Variants in NRG3 observed in about 807,000 individuals in gnomAD.
NRG3 encodes the protein neuregulin 3, also known as pro-neuregulin-3, membrane-bound isoform.
A neutral mutation model predicts 66.9 loss-of-function variants in NRG3; 31 were observed. That is an observed-to-expected ratio of 0.46 (90% CI 0.35 to 0.63). NRG3 has a LOEUF of 0.63. NRG3 is among the 20% of genes least tolerant of loss of function. The probability of loss-of-function intolerance (pLI) is 0.00; values close to 1 mark genes in which losing one functional copy is unlikely to be tolerated. For missense variants in NRG3, 910 were observed against 878.9 expected, an observed-to-expected ratio of 1.04 and a Z score of -0.45; for synonymous variants, 393 against 359.4, an observed-to-expected ratio of 1.09 and a Z score of -1.06.
chr10:82,838,214 T>A (rs575527), intron 3 of NRG3, among the ~76,000 whole-genome samples: 40,126 of 151,968 alleles, frequency 0.26, 5,479 homozygotes, highest in Non-Finnish European at 0.31. Flanking sequence ...AGGGAAGCAG[T>A]CAGAGAGAAG....
At chr10:81,947,781 G>A (rs561896457) in intron 1 of NRG3, among the ~76,000 whole-genome samples, 7 of 152,138 alleles carry the variant, frequency 4.6e-5, no homozygotes, top group East Asian at 3.9e-4. Flanking sequence ...CAAAAGTGCC[G>A]TCGGGGACTT....
chr10:82,765,603 G>A (rs1383694743), intron 3 of NRG3, among the ~76,000 whole-genome samples: 2 of 152,034 alleles, frequency 1.3e-5, no homozygotes, highest in Non-Finnish European at 2.9e-5. Context: ...TAGGAATGAA[G>A]ATGTTATAAA....
At chr10:82,928,526 T>C (rs1183662172) in intron 4 of NRG3, among the ~76,000 whole-genome samples, 2 of 152,000 alleles carry the variant, frequency 1.3e-5, no homozygotes, top group Non-Finnish European at 2.9e-5. Context: ...TAAGGTGTAA[T>C]GAAGGGGTCC....
chr10:82,582,923 T>C (rs1380885184), intron 2 of NRG3, among the ~76,000 whole-genome samples: 1 of 152,180 alleles, frequency 6.6e-6, no homozygotes, highest in Admixed American at 6.6e-5. Context: ...GAGCATACTT[T>C]TTACTTGGCA....
chr10:82,985,399 A>G lies in NRG3; in HGVS notation c.1885A>G (p.Ile629Val). Residue 629 changes from isoleucine to valine, a missense_variant, in exon 9 of 9, where the codon ATA becomes GTA. Coordinates refer to ENST00000372141, the MANE Select transcript of NRG3 (RefSeq NM_001010848.4). ...CLIAEQQEVK[I>V]LLETVQEQIR... ...TATAGCAGAACAACAAGAAGTGAAA[A>G]TATTGCTAGAAACTGTCCAGGAGCA... 1 of 1,614,168 alleles carries G rather than the reference A, an allele frequency of 6.2e-7. No homozygotes were observed. Among genetic ancestry groups the G allele is most frequent in the Non-Finnish European group, 8.5e-7 (1 of 1,180,002 alleles).
chr10:82,491,599 A>G (rs1233043438), intron 2 of NRG3, among the ~76,000 whole-genome samples: 3 of 152,058 alleles, frequency 2.0e-5, no homozygotes, highest in African/African-American at 4.8e-5. Flanking sequence ...ATCTGAGGGT[A>G]CATTTTTCCC....
chr10:82,783,231 C>G (rs1314331947), intron 3 of NRG3, among the ~76,000 whole-genome samples: 2 of 151,726 alleles, frequency 1.3e-5, no homozygotes, highest in African/African-American at 4.8e-5. Flanking sequence ...CTATCTATGA[C>G]AAACCCACAG....
At chr10:81,910,464 A>G (rs1845026717) in intron 1 of NRG3, among the ~76,000 whole-genome samples, 2 of 152,224 alleles carry the variant, frequency 1.3e-5, no homozygotes, top group Non-Finnish European at 2.9e-5. Flanking sequence ...AAATTAAACA[A>G]CATGCATTAA....
Position 81,916,968 on chromosome 10 carries a change from C to T in NRG3, c.823+40805C>T, listed in dbSNP as rs549986186. ...TGATGTTAAGAAGTGGGACTAGGAC[C>T]ACATGGGTATTAAGTAGAGGGACCA... is the stretch of plus-strand genomic sequence containing the variant. On this transcript the variant is annotated intron_variant, in intron 1 of 8. Transcript: ENST00000372141. Among the ~76,000 whole-genome samples the T allele has an allele frequency of 1.6e-4, 24 of 152,186 alleles. No homozygotes were observed. The East Asian group carries it at 4.6e-3, about 29-fold the overall frequency.
intron 1 of NRG3, among the ~76,000 whole-genome samples, chr10:82,260,234 G>A (rs766117374): frequency 1.6e-4 from 25 of 152,306 alleles, no homozygotes; most frequent in Admixed American, 8.5e-4. Context: ...TGAGTTTGGC[G>A]TTTGTACTTG....
chr10:82,063,512 C>CCTT (rs2064277686), intron 1 of NRG3, among the ~76,000 whole-genome samples: 1 of 147,488 alleles, frequency 6.8e-6, no homozygotes, highest in Non-Finnish European at 1.5e-5. Flanking sequence ...AGGAAAAGAT[C>CCTT]TTTTTTTTTT....
At chr10:82,810,690 G>A (rs902640629) in intron 3 of NRG3, among the ~76,000 whole-genome samples, 8 of 149,760 alleles carry the variant, frequency 5.3e-5, no homozygotes, top group African/African-American at 2.0e-4. Context: ...TTGAACCCGG[G>A]AGACGGAAGT....
intron 2 of NRG3, among the ~76,000 whole-genome samples, chr10:82,562,720 G>A (rs565289844): frequency 6.6e-6 from 1 of 152,028 alleles, no homozygotes; most frequent in South Asian, 2.1e-4. Flanking sequence ...GCTCTCCTGA[G>A]CAGCACCATT....
chr10:82,442,925 T>C (rs564909149), intron 2 of NRG3, among the ~76,000 whole-genome samples: 23 of 151,394 alleles, frequency 1.5e-4, no homozygotes, highest in African/African-American at 5.3e-4. Context: ...GAACGTGAAG[T>C]TGATATAATT....
chr10:82,157,037 C>T (rs567679669), intron 1 of NRG3, among the ~76,000 whole-genome samples: 2 of 151,600 alleles, frequency 1.3e-5, no homozygotes, highest in Non-Finnish European at 3.0e-5. Flanking sequence ...ATTAAATGGT[C>T]ATTATGAAGT....
At chr10:81,897,378 A>G (rs1308067885) in intron 1 of NRG3, among the ~76,000 whole-genome samples, 1 of 152,156 alleles carries the variant, frequency 6.6e-6, no homozygotes, top group East Asian at 1.9e-4. Context: ...CTACACCTGG[A>G]GACAAGAAGC....
intron 3 of NRG3, chr10:82,827,084 G>GA (rs1225513372): frequency 3.1e-6 from 1 of 319,538 alleles, no homozygotes; most frequent in Non-Finnish European, 6.1e-6. Flanking sequence ...TCATATCAGA[G>GA]AAAAAAGCTT....
At chr10:82,542,915 G>A (rs1216137836) in intron 2 of NRG3, among the ~76,000 whole-genome samples, 3 of 149,160 alleles carry the variant, frequency 2.0e-5, no homozygotes, top group Non-Finnish European at 3.0e-5. Flanking sequence ...TTTTGAGAAC[G>A]AGTTTTGCTC....
chr10:81,991,130 G>A (rs1035997775), intron 1 of NRG3, among the ~76,000 whole-genome samples: 3 of 152,122 alleles, frequency 2.0e-5, no homozygotes, highest in South Asian at 4.1e-4. Context: ...AGTTGGGCAT[G>A]GGATATAGCT....
Sources: gnomAD v4.1 joint callset for allele counts (sites outside exome capture counted in the v4.1 genomes callset) on GRCh38, gnomAD v4.1.1 for gene constraint, MANE v1.5 for transcripts, NCBI Gene and HGNC (gene_info 2026-07-23, HGNC 2026-07-21) for gene names.